Variants in DOP1A observed in about 807,000 individuals in gnomAD.
DOP1A encodes the protein DOP1 leucine zipper like protein A, also known as protein DOP1A.
In DOP1A, 90 loss-of-function variants were observed where a neutral mutation model predicts 267.6. The observed-to-expected ratio is 0.34, with a 90% CI of 0.28 to 0.40. The LOEUF is 0.40. Among genes scored for constraint, DOP1A ranks in the 10% least tolerant of loss-of-function variants. DOP1A has a pLI of 1.00. For synonymous variants in DOP1A, 932 were observed against 999.1 expected, an observed-to-expected ratio of 0.93 and a Z score of 1.27; for missense variants, 2,437 against 2,900.4, an observed-to-expected ratio of 0.84 and a Z score of 3.67.
At chr6:83,152,137 C>A in intron 29 of DOP1A, 110 bp downstream of exon 29, 1 of 1,285,636 alleles carries the variant, frequency 7.8e-7, no homozygotes, top group Non-Finnish European at 1.1e-6. Context: ...TTTCTCATGT[C>A]TAACAAGTAA....
chr6:83,080,875 A>C (rs143409992), intron 1 of DOP1A, among the ~76,000 whole-genome samples: 276 of 152,330 alleles, frequency 1.8e-3, no homozygotes, highest in Non-Finnish European at 3.0e-3. Flanking sequence ...AAGACCAATG[A>C]CATTCTTCAC....
In DOP1A at chr6:83,159,895, C is replaced by G; in HGVS notation, c.6897C>G (p.Leu2299=). The G allele has an allele frequency of 6.2e-7, 1 of 1,614,100 alleles. No individual in the cohort carries two copies. The highest frequency in any genetic ancestry group is 8.5e-7 in the Non-Finnish European group (1 of 1,180,014). Residue 2299 remains leucine, a synonymous_variant, in exon 37 of 39, where the codon CTC becomes CTG. Coordinates refer to ENST00000349129, the MANE Select transcript of DOP1A (RefSeq NM_015018.4). The part of the protein sequence containing the change: ...YNSQRWLNLY[L]SACKFLDLAL... ...GCCAGCGGTGGTTAAACCTCTATCT[C>G]TCTGCTTGCAAATTTTTGGATTTGG...
rs143289339 is a variant in DOP1A at position 83,110,032 on chromosome 6, G to A, written c.492-93G>A. The A allele has an allele frequency of 4.5e-4, 579 of 1,298,030 alleles. 3 individuals are homozygous for A. The African/African-American group carries it at 7.9e-3, about 18-fold the overall frequency. 80.4% of individuals were successfully genotyped at this position (1,298,030 alleles called of 1,614,324 possible). A position where few individuals can be genotyped will look rare whatever the true frequency, so the allele number is the denominator to read the frequency against. ...GGGTGGAACATATGACTGTAGCATG[G>A]GTGTTTGCATACATTTTTGGAAAAG... On this transcript the variant is annotated intron_variant, in intron 5 of 38. Transcript: ENST00000349129.
intron 6 of DOP1A, among the ~76,000 whole-genome samples, chr6:83,112,519 A>G (rs774119568): frequency 2.6e-5 from 4 of 152,204 alleles, no homozygotes; most frequent in Non-Finnish European, 5.9e-5. Context: ...GCTGGAGTTC[A>G]GTGGCACAAT....
At chr6:83,100,504 C>T (rs1772380472) in intron 3 of DOP1A, among the ~76,000 whole-genome samples, 1 of 151,966 alleles carries the variant, frequency 6.6e-6, no homozygotes, top group African/African-American at 2.4e-5. Flanking sequence ...TAACAGGTAA[C>T]GAGTTTATTT....
chr6:83,162,215 T>A (rs567680735), intron 37 of DOP1A, among the ~76,000 whole-genome samples: 13 of 152,026 alleles, frequency 8.6e-5, no homozygotes, highest in African/African-American at 3.1e-4. Flanking sequence ...GTATGCCCAT[T>A]TATACTGTTT....
At chr6:83,085,665 G>C (rs1311003304) in intron 1 of DOP1A, among the ~76,000 whole-genome samples, 1 of 152,166 alleles carries the variant, frequency 6.6e-6, no homozygotes, top group East Asian at 1.9e-4. Flanking sequence ...GTATAGCTAA[G>C]ATGTTGCTGT....
chr6:83,115,727 A>G (rs1328614167), intron 7 of DOP1A, among the ~76,000 whole-genome samples: 1 of 152,186 alleles, frequency 6.6e-6, no homozygotes, highest in Non-Finnish European at 1.5e-5. Context: ...CTGTCTCAAA[A>G]AAAAGAAAAA....
chr6:83,148,621 C>A, intron 26 of DOP1A, 138 bp from the exon 27 acceptor site: 1 of 537,308 alleles, frequency 1.9e-6, no homozygotes, highest in South Asian at 2.7e-5. Flanking sequence ...TGTTGGTTTA[C>A]TAATTAACGT....
chr6:83,156,142 AG>A (rs750229082), intron 34 of DOP1A, 39 bp downstream of exon 34: 39 of 1,549,500 alleles, frequency 2.5e-5, no homozygotes, highest in Non-Finnish European at 3.1e-5. Flanking sequence ...CTCTAACTAC[AG>A]GTTTTTGGTT....
chr6:83,137,752 C>G lies in DOP1A; in HGVS notation c.3710C>G (p.Ser1237Cys). ...GCAAATGGAATCTCCAGGAATAGCTCCTCACCTTGTATTTCAGGAACCACA... is the reference window on the plus strand; with the variant it reads ...GCAAATGGAATCTCCAGGAATAGCTGCTCACCTTGTATTTCAGGAACCACA... Reference protein sequence around the residue: ...CVANGISRNSSSPCISGTTHT... With the variant: ...CVANGISRNSCSPCISGTTHT... Residue 1237 changes from serine to cysteine, a missense_variant, in exon 21 of 39, where the codon TCC (serine) becomes TGC (cysteine). Ser to Cys is a moderately radical substitution (Grantham distance 112, BLOSUM62 -1). This residue lies in a region of DOP1A where 878 missense variants were observed against 992.9 expected (regional missense o/e 0.88). Transcript: ENST00000349129. 1 of 1,613,740 alleles carries G rather than the reference C, an allele frequency of 6.2e-7. No homozygotes were observed. Among genetic ancestry groups the G allele is most frequent in the Non-Finnish European group, 8.5e-7 (1 of 1,179,854 alleles).
At chr6:83,146,138 T>G (rs1235270395) in intron 25 of DOP1A, among the ~76,000 whole-genome samples, 1 of 152,224 alleles carries the variant, frequency 6.6e-6, no homozygotes, top group Non-Finnish European at 1.5e-5. Flanking sequence ...AGTGCTACAC[T>G]ATGAATGACA....
intron 1 of DOP1A, among the ~76,000 whole-genome samples, chr6:83,086,568 A>G (rs1057115165): frequency 6.6e-6 from 1 of 152,192 alleles, no homozygotes; most frequent in Non-Finnish European, 1.5e-5. Flanking sequence ...AAGAGAAGCC[A>G]ACATAAACTG....
intron 4 of DOP1A, among the ~76,000 whole-genome samples, chr6:83,103,159 A>G (rs1772911014): frequency 6.6e-6 from 1 of 152,186 alleles, no homozygotes; most frequent in Non-Finnish European, 1.5e-5. Flanking sequence ...GAATTGGATA[A>G]AAAGGAATGA....
intron 15 of DOP1A, among the ~76,000 whole-genome samples, chr6:83,127,368 G>T (rs768796954): frequency 2.0e-5 from 3 of 152,240 alleles, no homozygotes; most frequent in Non-Finnish European, 2.9e-5. Context: ...AGTTAGGTTT[G>T]ATATCTTTCA....
At chr6:83,153,333 A>G in intron 30 of DOP1A, 178 bp from the exon 31 acceptor site, 1 of 438,918 alleles carries the variant, frequency 2.3e-6, no homozygotes, top group Non-Finnish European at 4.0e-6. Context: ...TATAGTAACA[A>G]TGTACAAAAA....
chr6:83,117,363 G>C (rs1775628684), intron 7 of DOP1A, among the ~76,000 whole-genome samples: 1 of 151,986 alleles, frequency 6.6e-6, no homozygotes, highest in Non-Finnish European at 1.5e-5. Flanking sequence ...TGTTAGCCAG[G>C]ATGGTCTAGA....
Position 83,096,821 on chromosome 6 carries a change from A to C in DOP1A, c.-56A>C. On this transcript the variant is annotated splice_region_variant and 5_prime_UTR_variant, in exon 2 of 39. Coordinates refer to ENST00000349129, the MANE Select transcript of DOP1A (RefSeq NM_015018.4). ...CTGAGGAGAGTTTCAACCACTGCTA[A>C]CAGTAAGGAACATTTTCAAGTTAGT... 1 of 783,198 alleles carries C rather than the reference A, an allele frequency of 1.3e-6. No individual in the cohort carries two copies. Among genetic ancestry groups the C allele is most frequent in the Non-Finnish European group, 2.0e-6 (1 of 507,190 alleles). 48.5% of individuals were successfully genotyped at this position (783,198 alleles called of 1,614,324 possible).
At chr6:83,085,283 G>T (rs190378850) in intron 1 of DOP1A, among the ~76,000 whole-genome samples, 2 of 152,216 alleles carry the variant, frequency 1.3e-5, no homozygotes, top group African/African-American at 4.8e-5. Flanking sequence ...GACTGCCGAT[G>T]CAGGTATGAA....
Sources: allele counts gnomAD v4.1 joint callset (sites outside exome capture counted in the v4.1 genomes callset), GRCh38; gene constraint gnomAD v4.1.1; regional missense constraint gnomAD v4.1.1; transcripts MANE v1.5; gene names NCBI Gene and HGNC (gene_info 2026-07-23, HGNC 2026-07-21).